Variants in MDGA2 observed in about 807,000 individuals in gnomAD.
The protein encoded by MDGA2 is MAM domain-containing glycosylphosphatidylinositol anchor protein 2.
A neutral mutation model predicts 117.8 loss-of-function variants in MDGA2; 40 were observed. That is an observed-to-expected ratio of 0.34 (90% CI 0.26 to 0.44). The LOEUF is 0.44. MDGA2 is among the 20% of genes least tolerant of loss of function. The pLI, the probability that MDGA2 is intolerant of heterozygous loss-of-function variation, is 1.00. For synonymous variants in MDGA2, 452 were observed against 439.0 expected, an observed-to-expected ratio of 1.03 and a Z score of -0.37; for missense variants, 1,123 against 1,250.6, an observed-to-expected ratio of 0.90 and a Z score of 1.54.
chr14:46,869,407 T>C (rs1881911034), intron 14 of MDGA2, among the ~76,000 whole-genome samples: 1 of 150,958 alleles, frequency 6.6e-6, no homozygotes, highest in African/African-American at 2.4e-5. Context: ...CATCGAGAAT[T>C]GAAATGTCCA....
chr14:47,178,779 C>T (rs1363325469), intron 3 of MDGA2, among the ~76,000 whole-genome samples: 1 of 152,056 alleles, frequency 6.6e-6, no homozygotes, highest in African/African-American at 2.4e-5. Context: ...TATATAGAAA[C>T]TCAGTCAGAA....
chr14:47,422,682 C>T (rs951486956), intron 1 of MDGA2, among the ~76,000 whole-genome samples: 8 of 152,052 alleles, frequency 5.3e-5, no homozygotes, highest in African/African-American at 1.7e-4. Context: ...TCGTAGGTAT[C>T]GACTGAGCTG....
At chr14:47,163,952 C>T (rs997834038) in intron 3 of MDGA2, among the ~76,000 whole-genome samples, 8 of 152,202 alleles carry the variant, frequency 5.3e-5, no homozygotes, top group African/African-American at 1.9e-4. Flanking sequence ...TCCTCACTGG[C>T]TCGTGGAGGG....
At chr14:47,202,712 C>T (rs771719011) in intron 3 of MDGA2, among the ~76,000 whole-genome samples, 4 of 152,158 alleles carry the variant, frequency 2.6e-5, no homozygotes, top group Non-Finnish European at 5.9e-5. Flanking sequence ...GAGGTTCAGA[C>T]AGTGAAAATA....
At chr14:47,617,133 T>C (rs1896960728) in intron 1 of MDGA2, among the ~76,000 whole-genome samples, 1 of 152,166 alleles carries the variant, frequency 6.6e-6, no homozygotes, top group Non-Finnish European at 1.5e-5. Flanking sequence ...CAGTCTCATA[T>C]ATAGTGAAGA....
intron 9 of MDGA2, among the ~76,000 whole-genome samples, chr14:46,923,487 G>GT (rs565604200): frequency 2.0e-5 from 3 of 151,928 alleles, no homozygotes; most frequent in South Asian, 2.1e-4. Flanking sequence ...AGAAAATAAA[G>GT]TTTTTTTTAG....
chr14:47,221,088 TAGTATACA>T (rs1445274765), intron 2 of MDGA2, among the ~76,000 whole-genome samples: 1 of 152,200 alleles, frequency 6.6e-6, no homozygotes, highest in Non-Finnish European at 1.5e-5. Flanking sequence ...TTCCTTGGGT[TAGTATACA>T]ATTTAAATAC....
chr14:47,350,598 T>C (rs543139304), intron 1 of MDGA2, among the ~76,000 whole-genome samples: 2 of 152,256 alleles, frequency 1.3e-5, no homozygotes, highest in Admixed American at 1.3e-4. Context: ...CGCGCACACG[T>C]GGGAGTGTAA....
chr14:47,546,869 T>C (rs1476241418), intron 1 of MDGA2, among the ~76,000 whole-genome samples: 1 of 152,220 alleles, frequency 6.6e-6, no homozygotes, highest in African/African-American at 2.4e-5. Context: ...TTGTTCACTT[T>C]AGAGCCTGAT....
chr14:47,598,182 A>G (rs7157837), intron 1 of MDGA2, among the ~76,000 whole-genome samples: 61,427 of 152,026 alleles, frequency 0.4, 14,783 homozygotes, highest in East Asian at 0.7. Context: ...AACAAATGTT[A>G]GTAAGGATAT....
chr14:47,613,191 A>T (rs1386203474), intron 1 of MDGA2, among the ~76,000 whole-genome samples: 1 of 152,080 alleles, frequency 6.6e-6, no homozygotes, highest in Non-Finnish European at 1.5e-5. Context: ...GGTATAAATA[A>T]TTTCCCTGTG....
rs192662723 is a variant in MDGA2 at position 46,892,629 on chromosome 14, C to G, written c.2239-10408G>C. Among the ~76,000 whole-genome samples the G allele has an allele frequency of 2.2e-3, 341 of 151,936 alleles. 1 individual carries two copies. The highest frequency in any genetic ancestry group is 4.0e-3 in the Non-Finnish European group (269 of 67,814). On this transcript the variant is annotated intron_variant, in intron 10 of 16. Coordinates refer to ENST00000399232, the MANE Select transcript of MDGA2 (RefSeq NM_001113498.3). ...ATCAGATAAAGGGGTAATGTCCAAA[C>G]TATATAATGAACTCATGCAACTCGA...
chr14:46,892,910 T>C (rs201173002), intron 10 of MDGA2, among the ~76,000 whole-genome samples: 1 of 152,008 alleles, frequency 6.6e-6, no homozygotes, highest in South Asian at 2.1e-4. Context: ...TTAGTGGGTA[T>C]GTAGATTGGT....
At chr14:47,165,720 C>G (rs1883842343) in intron 3 of MDGA2, among the ~76,000 whole-genome samples, 1 of 152,076 alleles carries the variant, frequency 6.6e-6, no homozygotes, top group Admixed American at 6.6e-5. Context: ...CTTTTTAGGC[C>G]TTTGCCAAAA....
intron 15 of MDGA2, among the ~76,000 whole-genome samples, chr14:46,852,334 A>G (rs780560614): frequency 1.3e-5 from 2 of 150,412 alleles, no homozygotes; most frequent in South Asian, 2.1e-4. Context: ...TGGGAGTCAA[A>G]TAAGGTGAAT....
At chr14:46,960,064 A>C (rs887538160) in intron 8 of MDGA2, among the ~76,000 whole-genome samples, 9 of 152,000 alleles carry the variant, frequency 5.9e-5, no homozygotes, top group Admixed American at 4.6e-4. Flanking sequence ...TCTACCAAAA[A>C]TACAAAAATT....
At chr14:47,008,550 C>G (rs904869964) in intron 8 of MDGA2, among the ~76,000 whole-genome samples, 1 of 151,844 alleles carries the variant, frequency 6.6e-6, no homozygotes, top group African/African-American at 2.4e-5. Flanking sequence ...TTTAGACAGA[C>G]TTAAATATTT....
chr14:47,004,502 ACTTTGTTGTTCCTTTCCAAATTACT>A, intron 8 of MDGA2, among the ~76,000 whole-genome samples: 1 of 151,742 alleles, frequency 6.6e-6, no homozygotes, highest in East Asian at 1.9e-4. Flanking sequence ...TAGTCACCCA[ACTTTGTTGTTCCTTTCCAAATTACT>A]CTGGCCATAG....
intron 1 of MDGA2, among the ~76,000 whole-genome samples, chr14:47,635,486 C>T (rs187700740): frequency 4.6e-5 from 7 of 151,930 alleles, no homozygotes; most frequent in African/African-American, 1.4e-4. Context: ...GATAATTGTG[C>T]GAAAAAAAGT....
Sources: gnomAD v4.1 joint callset for allele counts (sites outside exome capture counted in the v4.1 genomes callset) on GRCh38, gnomAD v4.1.1 for gene constraint, MANE v1.5 for transcripts, NCBI Gene and HGNC (gene_info 2026-07-23, HGNC 2026-07-21) for gene names.